CFAP20DC: variants seen among roughly 807,000 people sequenced by gnomAD.
CFAP20DC encodes the protein CFAP20 domain containing, also known as protein CFAP20DC.
CFAP20DC carries 84 observed loss-of-function variants against 101.7 expected under a neutral mutation model. That is an observed-to-expected ratio of 0.83 (90% CI 0.69 to 0.99). CFAP20DC has a LOEUF of 0.99. CFAP20DC is among the 50% of genes least tolerant of loss of function. The pLI is 0.00. For missense variants in CFAP20DC, 1,007 were observed against 970.3 expected (o/e 1.04, Z -0.50); for synonymous variants, 359 against 351.2 (o/e 1.02, Z -0.25).
chr3:58,941,406 G>T (rs77096112), intron 4 of CFAP20DC, among the ~76,000 whole-genome samples: 2,626 of 144,470 alleles, frequency 0.018, 66 homozygotes, highest in African/African-American at 0.062. Context: ...ACATTCAATT[G>T]ATTTCTCTAT....
chr3:58,920,261 T>TA (rs1023372449), intron 5 of CFAP20DC, among the ~76,000 whole-genome samples: 1 of 151,898 alleles, frequency 6.6e-6, no homozygotes, highest in Non-Finnish European at 1.5e-5. Context: ...TGGCTAATTT[T>TA]AAAAAATTAT....
intron 15 of CFAP20DC, among the ~76,000 whole-genome samples, chr3:58,790,614 G>A (rs1381689060): frequency 6.6e-6 from 1 of 152,126 alleles, no homozygotes; most frequent in Non-Finnish European, 1.5e-5. Context: ...GGAGAAAGAT[G>A]GTGATTTTTT....
intron 4 of CFAP20DC, among the ~76,000 whole-genome samples, chr3:59,020,460 C>T (rs2108980375): frequency 6.6e-6 from 1 of 152,102 alleles, no homozygotes; most frequent in South Asian, 2.1e-4. Context: ...ACAATAGGTG[C>T]TCATATATAT....
intron 14 of CFAP20DC, among the ~76,000 whole-genome samples, chr3:58,819,499 G>T (rs1201028102): frequency 6.7e-6 from 1 of 149,624 alleles, no homozygotes; most frequent in African/African-American, 2.5e-5. Context: ...TACCATCAGA[G>T]AATACTACAA....
chr3:58,762,496 G>C, intron 15 of CFAP20DC, among the ~76,000 whole-genome samples: 1 of 152,058 alleles, frequency 6.6e-6, no homozygotes, highest in South Asian at 2.1e-4. Context: ...TATCCAATTT[G>C]CCAGTCTGTG....
Position 58,831,731 on chromosome 3 carries a change from A to G in CFAP20DC, c.2130T>C (p.Ser710=). ...AGGTGGTTGTGTCGTCACTGCTGGT[A>G]CTTATGCTGACATTACAGTTGTCCA... ...SQVDNCNVSI[S]TSSDDTTTWN... Residue 710 remains serine (S), a synonymous_variant, in exon 14 of 17, where the codon AGT becomes AGC. Coordinates refer to ENST00000482387, the MANE Select transcript of CFAP20DC (RefSeq NM_001394063.1). 1 of 1,614,006 alleles carries G rather than the reference A, an allele frequency of 6.2e-7. No individual in the cohort carries two copies. The highest frequency in any genetic ancestry group is 8.5e-7 in the Non-Finnish European group (1 of 1,179,950).
At chr3:58,903,171 T>C (rs2083295137) in intron 6 of CFAP20DC, among the ~76,000 whole-genome samples, 1 of 152,242 alleles carries the variant, frequency 6.6e-6, no homozygotes, top group South Asian at 2.1e-4. Context: ...GTACAATTTA[T>C]CTATTTTTAA....
At chr3:58,998,429 T>C (rs1040518406) in intron 4 of CFAP20DC, among the ~76,000 whole-genome samples, 1 of 152,196 alleles carries the variant, frequency 6.6e-6, no homozygotes, top group Non-Finnish European at 1.5e-5. Context: ...CACCCACCCA[T>C]ACAGTACTTA....
intron 13 of CFAP20DC, among the ~76,000 whole-genome samples, chr3:58,841,844 T>C (rs1346787613): frequency 2.0e-5 from 3 of 152,234 alleles, no homozygotes; most frequent in Non-Finnish European, 4.4e-5. Context: ...AAACTTTTTC[T>C]GGAGCTATAA....
intron 14 of CFAP20DC, among the ~76,000 whole-genome samples, chr3:58,827,395 C>CA (rs2076111984): frequency 7.9e-6 from 1 of 126,864 alleles, no homozygotes; most frequent in African/African-American, 3.1e-5. Flanking sequence ...GTGGCAGGAG[C>CA]AGAGTGGCTC....
intron 6 of CFAP20DC, among the ~76,000 whole-genome samples, chr3:58,905,304 C>A (rs1333884066): frequency 6.6e-6 from 1 of 152,148 alleles, no homozygotes; most frequent in African/African-American, 2.4e-5. Flanking sequence ...TTCTACTCCC[C>A]TTGTTTTTCT....
chr3:59,035,314 C>T (rs1325153069), intron 4 of CFAP20DC, among the ~76,000 whole-genome samples: 1 of 152,080 alleles, frequency 6.6e-6, no homozygotes, highest in African/African-American at 2.4e-5. Flanking sequence ...AATTCAAAAG[C>T]TAGCAGAAGG....
intron 12 of CFAP20DC, among the ~76,000 whole-genome samples, chr3:58,857,482 C>T (rs1038008878): frequency 2.6e-5 from 4 of 152,074 alleles, no homozygotes; most frequent in East Asian, 1.9e-4. Flanking sequence ...GGAGATCAGC[C>T]GAGAAGCAGA....
rs1055104476 is a variant in CFAP20DC at position 59,002,996 on chromosome 3, C to T, written c.278+36561G>A. Among the ~76,000 whole-genome samples the T allele has an allele frequency of 1.3e-5, 2 of 152,080 alleles. No homozygotes were observed. The highest frequency in any genetic ancestry group is 6.6e-5 in the Admixed American group (1 of 15,260). On this transcript the variant is annotated intron_variant, in intron 4 of 16. Coordinates refer to ENST00000482387, the MANE Select transcript of CFAP20DC (RefSeq NM_001394063.1). This position sits in a 1 kb window ranked among gnomAD's most constrained non-coding sequence, Gnocchi z 4.5. ...CTGACTGAATATCCAATGTTCTTCC[C>T]TACAGTTATATGATGAATCTAAAAG...
chr3:59,041,168 A>G (rs950221748), intron 3 of CFAP20DC, among the ~76,000 whole-genome samples: 3 of 152,146 alleles, frequency 2.0e-5, no homozygotes, highest in Non-Finnish European at 4.4e-5. Flanking sequence ...GAACAGCAGG[A>G]TAAGTGAAAT....
At chr3:58,798,840 T>C (rs2073450984) in intron 15 of CFAP20DC, among the ~76,000 whole-genome samples, 2 of 152,236 alleles carry the variant, frequency 1.3e-5, no homozygotes, top group Admixed American at 6.5e-5. Flanking sequence ...TTATGACTTA[T>C]TGAAGGCTCA....
At chr3:58,856,750 T>G (rs2078867573) in intron 12 of CFAP20DC, among the ~76,000 whole-genome samples, 1 of 152,102 alleles carries the variant, frequency 6.6e-6, no homozygotes, top group Non-Finnish European at 1.5e-5. Flanking sequence ...AAAAATAGAG[T>G]AAACATTCCC....
chr3:58,948,498 C>T (rs115949205), intron 4 of CFAP20DC, among the ~76,000 whole-genome samples: 1,557 of 152,292 alleles, frequency 0.01, 21 homozygotes, highest in Non-Finnish European at 0.016. Context: ...TGCAAATATG[C>T]ACATCTTTTC....
At chr3:58,843,038 G>A (rs2108214235) in intron 13 of CFAP20DC, among the ~76,000 whole-genome samples, 1 of 152,276 alleles carries the variant, frequency 6.6e-6, no homozygotes, top group Non-Finnish European at 1.5e-5. Context: ...AAGACCAAAA[G>A]TAGATAAAAC....
Sources: gnomAD v4.1 joint callset for allele counts (sites outside exome capture counted in the v4.1 genomes callset) on GRCh38, gnomAD v4.1.1 for gene constraint, Gnocchi (gnomAD v3.1) non-coding constraint, MANE v1.5 for transcripts, NCBI Gene and HGNC (gene_info 2026-07-23, HGNC 2026-07-21) for gene names.